MSI2: variants seen among roughly 807,000 people sequenced by gnomAD.
MSI2 encodes musashi RNA binding protein 2.
Under a neutral mutation model 45.6 loss-of-function variants are expected in MSI2, and 17 were observed. The ratio of observed to expected loss-of-function variants is 0.37; its 90% CI spans 0.26 to 0.56. The LOEUF (loss-of-function observed/expected upper bound fraction) is 0.56. Ranked by LOEUF, MSI2 falls within the 20% of genes least tolerant of loss-of-function variation. MSI2 has a pLI of 0.77. For missense variants in MSI2, 293 were observed against 444.2 expected (o/e 0.66, Z 3.06); for synonymous variants, 156 against 158.2 (o/e 0.99, Z 0.11).
At chr17:57,492,797 A>G (rs2005381) in intron 6 of MSI2, among the ~76,000 whole-genome samples, 46,362 of 152,062 alleles carry the variant, frequency 0.3, 7,453 homozygotes, top group African/African-American at 0.4. Context: ...GTGTTTTACC[A>G]TGTTGGCTAG....
chr17:57,425,351 A>G (rs545581246), intron 6 of MSI2, among the ~76,000 whole-genome samples: 1 of 152,382 alleles, frequency 6.6e-6, no homozygotes, highest in African/African-American at 2.4e-5. Flanking sequence ...AATTAAATAC[A>G]TAAGTAAACA....
chr17:57,425,947 C>T (rs1359905474), intron 6 of MSI2, among the ~76,000 whole-genome samples: 1 of 152,150 alleles, frequency 6.6e-6, no homozygotes, highest in African/African-American at 2.4e-5. Flanking sequence ...TTACATTCCT[C>T]TGAAATTTGT....
chr17:57,299,779 G>A (rs1460731903), intron 5 of MSI2, among the ~76,000 whole-genome samples: 6 of 152,108 alleles, frequency 3.9e-5, no homozygotes, highest in East Asian at 1.9e-4. Context: ...GTTAGCACAC[G>A]TGGTTGGAAA....
chr17:57,413,731 A>C (rs954713684), intron 6 of MSI2, among the ~76,000 whole-genome samples: 1 of 151,816 alleles, frequency 6.6e-6, no homozygotes, highest in Non-Finnish European at 1.5e-5. Flanking sequence ...TTTATAGCAA[A>C]TATTAAGGGG....
At chr17:57,495,216 G>A (rs1156890890) in intron 6 of MSI2, among the ~76,000 whole-genome samples, 1 of 152,074 alleles carries the variant, frequency 6.6e-6, no homozygotes, top group Non-Finnish European at 1.5e-5. Flanking sequence ...CAAGAACCTG[G>A]GGATCCTCAC....
At chr17:57,594,297 G>A (rs1176970652) in intron 7 of MSI2, among the ~76,000 whole-genome samples, 1 of 152,138 alleles carries the variant, frequency 6.6e-6, no homozygotes, top group Non-Finnish European at 1.5e-5. Flanking sequence ...GGGCCAGTTA[G>A]GATCTGGGCC....
At chr17:57,491,811 T>G (rs1197300939) in intron 6 of MSI2, among the ~76,000 whole-genome samples, 2 of 152,334 alleles carry the variant, frequency 1.3e-5, no homozygotes, top group East Asian at 3.9e-4. Context: ...TTTTCCTCCT[T>G]CCTGCTGTTC....
intron 6 of MSI2, chr17:57,432,556 T>A (rs1473740464): frequency 1.3e-5 from 2 of 152,542 alleles, no homozygotes; most frequent in Admixed American, 1.3e-4. Context: ...TTTATGCTCA[T>A]GGCCTCGGCC....
chr17:57,393,602 A>G (rs955365066), intron 5 of MSI2, among the ~76,000 whole-genome samples: 3 of 152,210 alleles, frequency 2.0e-5, no homozygotes, highest in African/African-American at 7.2e-5. Context: ...TTGGGTGGAC[A>G]TAGGTTTTAA....
At chr17:57,688,588 T>A (rs1913926891), downstream of MSI2, among the ~76,000 whole-genome samples, 1 of 152,088 alleles carries the variant, frequency 6.6e-6, no homozygotes, top group Admixed American at 6.6e-5. Context: ...TGAAACACAG[T>A]TGAATAAGGT....
At chr17:57,490,857 T>C (rs2143804805) in intron 6 of MSI2, among the ~76,000 whole-genome samples, 1 of 151,728 alleles carries the variant, frequency 6.6e-6, no homozygotes, top group Non-Finnish European at 1.5e-5. Flanking sequence ...AAATTTTGCA[T>C]TCTTCACTTC....
intron 5 of MSI2, among the ~76,000 whole-genome samples, chr17:57,397,623 G>A (rs563147610): frequency 2.5e-4 from 38 of 152,272 alleles, no homozygotes; most frequent in East Asian, 1.9e-4. Context: ...TCTGCCTCTC[G>A]TGTCCCTCAC....
intron 7 of MSI2, among the ~76,000 whole-genome samples, chr17:57,533,634 C>G (rs1220791895): frequency 6.6e-6 from 1 of 152,172 alleles, no homozygotes; most frequent in Non-Finnish European, 1.5e-5. Flanking sequence ...CCCTGGGAAG[C>G]AACTCTAGGA....
chr17:57,489,167 C>T (rs2085816519), intron 6 of MSI2, among the ~76,000 whole-genome samples: 1 of 152,200 alleles, frequency 6.6e-6, no homozygotes, highest in Non-Finnish European at 1.5e-5. Context: ...CCCAGGCAGC[C>T]CTCATCTGCC....
At chr17:57,389,219 C>T (rs1023506205) in intron 5 of MSI2, among the ~76,000 whole-genome samples, 3 of 152,054 alleles carry the variant, frequency 2.0e-5, no homozygotes, top group Non-Finnish European at 4.4e-5. Flanking sequence ...CCTCATGATC[C>T]GCCTGCCTCG....
At chr17:57,535,005 G>T (rs998534176) in intron 7 of MSI2, among the ~76,000 whole-genome samples, 1 of 152,210 alleles carries the variant, frequency 6.6e-6, no homozygotes, top group Non-Finnish European at 1.5e-5. Context: ...AAGTGGGGCT[G>T]GAGGGGAGGG....
At chr17:57,649,643 C>G (rs949337831) in intron 10 of MSI2, among the ~76,000 whole-genome samples, 1 of 152,218 alleles carries the variant, frequency 6.6e-6, no homozygotes, top group Non-Finnish European at 1.5e-5. Flanking sequence ...CAAGAAGAGG[C>G]CTGGCCCTGG....
At chr17:57,669,440 G>T (rs1055499248) in intron 11 of MSI2, among the ~76,000 whole-genome samples, 3 of 152,232 alleles carry the variant, frequency 2.0e-5, no homozygotes, top group East Asian at 1.9e-4. Context: ...GGAACATAGA[G>T]TTCCCTGAGA....
At chr17:57,521,510 G>A (rs534010318) in intron 6 of MSI2, among the ~76,000 whole-genome samples, 3 of 152,270 alleles carry the variant, frequency 2.0e-5, no homozygotes, top group African/African-American at 7.2e-5. Context: ...TGGCTTTCTT[G>A]TACTAAGACT....
Sources: allele counts gnomAD v4.1 joint callset (sites outside exome capture counted in the v4.1 genomes callset), GRCh38; gene constraint gnomAD v4.1.1; transcripts MANE v1.5; gene names NCBI Gene and HGNC (gene_info 2026-07-23, HGNC 2026-07-21).